SPIDR: variants seen among roughly 807,000 people sequenced by gnomAD.
SPIDR encodes the protein scaffold protein involved in DNA repair, also known as DNA repair-scaffolding protein.
Under a neutral mutation model 104.6 loss-of-function variants are expected in SPIDR, and 93 were observed. That is an observed-to-expected ratio of 0.89 (90% CI 0.75 to 1.06). SPIDR has a LOEUF of 1.06. SPIDR is among the 50% of genes least tolerant of loss of function. The probability of loss-of-function intolerance (pLI) is 0.00; values close to 1 mark genes in which losing one functional copy is unlikely to be tolerated. For synonymous variants in SPIDR, 431 were observed against 416.9 expected (o/e 1.03, Z -0.41); for missense variants, 1,154 against 1,111.2 (o/e 1.04, Z -0.55).
chr8:47,543,666 A>G (rs1355352440), intron 8 of SPIDR, among the ~76,000 whole-genome samples: 2 of 152,222 alleles, frequency 1.3e-5, no homozygotes, highest in East Asian at 3.8e-4. Context: ...CATAGGTCAC[A>G]TGTTAAAAAA....
chr8:47,694,831 T>C (rs1315765259), intron 11 of SPIDR, among the ~76,000 whole-genome samples: 2 of 152,070 alleles, frequency 1.3e-5, no homozygotes, highest in Non-Finnish European at 2.9e-5. Flanking sequence ...AAAAAAAATA[T>C]GAGTTAATCA....
At position 47,729,058 on chromosome 8, in the gene SPIDR, G is replaced by C. The variant is rs531559864; in HGVS notation, c.2550+11G>C. 1.2e-6 allele frequency: 2 copies of C among 1,613,604 alleles called. No homozygotes were observed. Among genetic ancestry groups the C allele is most frequent in the East Asian group, 4.5e-5 (2 of 44,848 alleles). On this transcript the variant is annotated intron_variant, in intron 18 of 19. Transcript: ENST00000297423. ...AGAGTGAAGGTCAAGGTAGGAGCCA[G>C]GCCAGAGCACGCACGCACTCCTAGC...
intron 8 of SPIDR, among the ~76,000 whole-genome samples, chr8:47,494,573 A>C (rs1329820203): frequency 2.0e-5 from 3 of 152,102 alleles, no homozygotes; most frequent in African/African-American, 7.2e-5. Context: ...GTAGTCTCTG[A>C]TTTGATCAGA....
chr8:47,409,385 C>T (rs1203929799), intron 7 of SPIDR, among the ~76,000 whole-genome samples: 1 of 152,008 alleles, frequency 6.6e-6, no homozygotes, highest in African/African-American at 2.4e-5. Context: ...TGAAAAGATT[C>T]CACATGTCTA....
At chr8:47,421,054 A>G (rs1271319959) in intron 7 of SPIDR, among the ~76,000 whole-genome samples, 1 of 152,086 alleles carries the variant, frequency 6.6e-6, no homozygotes. Flanking sequence ...TTTTTCCTCC[A>G]TTTCAACTTT....
chr8:47,294,177 T>G, intron 5 of SPIDR, 147 bp downstream of exon 5: 1 of 989,556 alleles, frequency 1.0e-6, no homozygotes, highest in African/African-American at 1.6e-5. Flanking sequence ...CTTTACTCAC[T>G]TATCTCTAAA....
chr8:47,310,700 G>A (rs1440977369), intron 5 of SPIDR, among the ~76,000 whole-genome samples: 3 of 152,172 alleles, frequency 2.0e-5, no homozygotes, highest in African/African-American at 4.8e-5. Context: ...CAGCTAGAAA[G>A]TTAGTGAGTA....
intron 8 of SPIDR, among the ~76,000 whole-genome samples, chr8:47,480,484 C>T (rs2076779926): frequency 6.6e-6 from 1 of 152,218 alleles, no homozygotes; most frequent in African/African-American, 2.4e-5. Context: ...GTACTTGAAA[C>T]TTTCCAGCTC....
At chr8:47,536,215 T>C (rs1214735760) in intron 8 of SPIDR, among the ~76,000 whole-genome samples, 1 of 152,148 alleles carries the variant, frequency 6.6e-6, no homozygotes, top group Non-Finnish European at 1.5e-5. Flanking sequence ...ATGTCAGTTC[T>C]TCCCAACTTG....
At chr8:47,378,818 G>T (rs1016284641) in intron 5 of SPIDR, among the ~76,000 whole-genome samples, 8 of 152,190 alleles carry the variant, frequency 5.3e-5, no homozygotes, top group Non-Finnish European at 7.3e-5. Context: ...AGCTAACCTT[G>T]GATCTTGAAG....
At chr8:47,709,193 T>G (rs942095240) in intron 14 of SPIDR, among the ~76,000 whole-genome samples, 6 of 152,110 alleles carry the variant, frequency 3.9e-5, no homozygotes, top group Non-Finnish European at 5.9e-5. Flanking sequence ...CACGCTGGAG[T>G]GCAGTGGCAT....
intron 11 of SPIDR, among the ~76,000 whole-genome samples, chr8:47,690,196 A>G (rs1225607788): frequency 6.6e-6 from 1 of 152,078 alleles, no homozygotes; most frequent in East Asian, 1.9e-4. Flanking sequence ...AGGACAGAAG[A>G]GAGAACTGTT....
intron 5 of SPIDR, among the ~76,000 whole-genome samples, chr8:47,363,581 C>G (rs1232665857): frequency 6.6e-6 from 1 of 151,704 alleles, no homozygotes; most frequent in Non-Finnish European, 1.5e-5. Context: ...GCCCCAGGCT[C>G]TGGCAGTGAT....
chr8:47,407,207 C>T (rs1208413103), intron 6 of SPIDR, among the ~76,000 whole-genome samples: 1 of 152,172 alleles, frequency 6.6e-6, no homozygotes, highest in African/African-American at 2.4e-5. Flanking sequence ...GCATGTCTGT[C>T]GTTATAAATT....
chr8:47,589,569 TA>T, intron 8 of SPIDR, among the ~76,000 whole-genome samples: 1 of 152,246 alleles, frequency 6.6e-6, no homozygotes, highest in Middle Eastern at 3.4e-3. Context: ...TTAATAGTTA[TA>T]GGCTATTCAA....
intron 5 of SPIDR, among the ~76,000 whole-genome samples, chr8:47,295,481 T>C (rs1431570327): frequency 6.6e-6 from 1 of 152,222 alleles, no homozygotes; most frequent in African/African-American, 2.4e-5. Context: ...TCCCAGCCTC[T>C]GGTAATCAAC....
chr8:47,668,601 T>G, intron 10 of SPIDR, among the ~76,000 whole-genome samples: 1 of 152,136 alleles, frequency 6.6e-6, no homozygotes, highest in East Asian at 1.9e-4. Context: ...TCAAGACTTT[T>G]TCTTTAAAGC....
At chr8:47,664,365 C>T (rs186714785) in intron 10 of SPIDR, among the ~76,000 whole-genome samples, 3 of 151,970 alleles carry the variant, frequency 2.0e-5, no homozygotes, top group Admixed American at 1.3e-4. Flanking sequence ...TTGATTTAGC[C>T]GACAAAAGAT....
chr8:47,422,210 G>T (rs977488134), intron 7 of SPIDR, among the ~76,000 whole-genome samples: 1 of 152,212 alleles, frequency 6.6e-6, no homozygotes, highest in Admixed American at 6.5e-5. Context: ...CCCAGAGGTG[G>T]AGTCTACAGA....
Sources: allele counts gnomAD v4.1 joint callset (sites outside exome capture counted in the v4.1 genomes callset), GRCh38; gene constraint gnomAD v4.1.1; transcripts MANE v1.5; gene names NCBI Gene and HGNC (gene_info 2026-07-23, HGNC 2026-07-21).